Variants in GPC6 observed in about 807,000 individuals in gnomAD.
GPC6 encodes glypican 6.
Under a neutral mutation model 55.2 loss-of-function variants are expected in GPC6, and 14 were observed. The observed-to-expected ratio is 0.25, with a 90% CI of 0.17 to 0.40. The LOEUF is 0.40. Among genes scored for constraint, GPC6 ranks in the 10% least tolerant of loss-of-function variants. The pLI is 1.00. For synonymous variants in GPC6, 278 were observed against 259.6 expected (o/e 1.07, Z -0.68); for missense variants, 641 against 708.5 (o/e 0.90, Z 1.08).
At chr13:93,955,243 GCACACACA>G (rs10524254) in intron 3 of GPC6, among the ~76,000 whole-genome samples, 5,068 of 136,216 alleles carry the variant, frequency 0.037, 270 homozygotes, top group African/African-American at 0.12. Context: ...GAATGAACAT[GCACACACA>G]CACACACACA....
chr13:94,304,957 C>T (rs947457150), intron 5 of GPC6, among the ~76,000 whole-genome samples: 1 of 152,158 alleles, frequency 6.6e-6, no homozygotes, highest in African/African-American at 2.4e-5. Context: ...ATTTTCATTA[C>T]TCAAAGGGGA....
At chr13:93,255,872 G>T (rs1333746357) in intron 1 of GPC6, among the ~76,000 whole-genome samples, 1 of 152,036 alleles carries the variant, frequency 6.6e-6, no homozygotes, top group Non-Finnish European at 1.5e-5. Flanking sequence ...TGTGGCTCAT[G>T]CCTGTAATCT....
chr13:93,471,900 T>G lies in GPC6; in HGVS notation c.161-73363T>G, dbSNP rs2590544. On this transcript the variant is annotated intron_variant, in intron 1 of 8. Coordinates refer to ENST00000377047, the MANE Select transcript of GPC6 (RefSeq NM_005708.5). ...ATGTCAATTAGATTCAGTTGACTTA[T>G]GGAAATTTTCAGTGCTTCTCCGTTC... Among the ~76,000 whole-genome samples, 7 of 152,258 alleles carry G rather than the reference T, an allele frequency of 4.6e-5. 1 individual carries two copies. In the South Asian group the frequency reaches 1.4e-3, roughly 32 times the overall value.
At chr13:94,364,322 A>G (rs1473535993) in intron 6 of GPC6, among the ~76,000 whole-genome samples, 1 of 152,264 alleles carries the variant, frequency 6.6e-6, no homozygotes, top group Non-Finnish European at 1.5e-5. Flanking sequence ...AATCATAAGC[A>G]GAGTAAATCG....
At chr13:94,295,659 C>A (rs948405239) in intron 5 of GPC6, among the ~76,000 whole-genome samples, 1 of 152,126 alleles carries the variant, frequency 6.6e-6, no homozygotes, top group Non-Finnish European at 1.5e-5. Context: ...TACATCAACA[C>A]CTCCATAGCA....
At chr13:93,736,798 A>T (rs558075443) in intron 2 of GPC6, among the ~76,000 whole-genome samples, 18 of 152,238 alleles carry the variant, frequency 1.2e-4, no homozygotes, top group African/African-American at 3.4e-4. Flanking sequence ...TGTTTCTTGG[A>T]TGGAAGGTAC....
intron 2 of GPC6, among the ~76,000 whole-genome samples, chr13:93,660,883 T>C (rs1880894897): frequency 6.6e-6 from 1 of 152,176 alleles, no homozygotes; most frequent in Non-Finnish European, 1.5e-5. Context: ...GCTGTTAGGC[T>C]CTTTGACATA....
At chr13:93,450,703 C>T (rs1017795361) in intron 1 of GPC6, 1 of 970,788 alleles carries the variant, frequency 1.0e-6, no homozygotes, top group Non-Finnish European at 1.2e-6. Flanking sequence ...AGCTCCAACA[C>T]TTCCCACTTT....
intron 4 of GPC6, among the ~76,000 whole-genome samples, chr13:94,166,055 G>A (rs1193652805): frequency 5.9e-5 from 9 of 152,008 alleles, no homozygotes; most frequent in Admixed American, 4.6e-4. Flanking sequence ...TCTTGGCTAC[G>A]TTGTACTCTA....
At chr13:93,965,069 A>G (rs927665181) in intron 3 of GPC6, among the ~76,000 whole-genome samples, 1 of 147,796 alleles carries the variant, frequency 6.8e-6, no homozygotes, top group Non-Finnish European at 1.5e-5. Flanking sequence ...TTGTAAATAT[A>G]TAAAGTTAGT....
chr13:93,479,109 T>A (rs893364005), intron 1 of GPC6, among the ~76,000 whole-genome samples: 6 of 152,126 alleles, frequency 3.9e-5, no homozygotes, highest in Non-Finnish European at 8.8e-5. Context: ...AGCTACATCT[T>A]TGTTAAAAGG....
At chr13:93,761,648 G>T (rs1884959035) in intron 2 of GPC6, among the ~76,000 whole-genome samples, 1 of 151,978 alleles carries the variant, frequency 6.6e-6, no homozygotes, top group Non-Finnish European at 1.5e-5. Context: ...AGGACTACAG[G>T]CATGCACCAC....
At chr13:93,803,411 G>T (rs1473174640) in intron 2 of GPC6, among the ~76,000 whole-genome samples, 1 of 152,052 alleles carries the variant, frequency 6.6e-6, no homozygotes, top group African/African-American at 2.4e-5. Flanking sequence ...TTATGATTGT[G>T]ATAATAAAAA....
chr13:93,884,044 A>G (rs1174252640), intron 3 of GPC6, among the ~76,000 whole-genome samples: 11 of 152,110 alleles, frequency 7.2e-5, no homozygotes, highest in African/African-American at 2.4e-4. Context: ...GTCCACAGCT[A>G]TGTATTCGAC....
chr13:94,139,002 T>A (rs188446200), intron 4 of GPC6, among the ~76,000 whole-genome samples: 21 of 152,186 alleles, frequency 1.4e-4, no homozygotes, highest in Non-Finnish European at 1.5e-5. Context: ...CTGTCCCATT[T>A]AGGGAAGAGA....
chr13:93,310,091 A>T (rs1879012407), intron 1 of GPC6, among the ~76,000 whole-genome samples: 1 of 152,198 alleles, frequency 6.6e-6, no homozygotes, highest in African/African-American at 2.4e-5. Flanking sequence ...GTGAATACAC[A>T]TTTCACACAG....
chr13:93,399,047 T>TACACACAC (rs960083642), intron 1 of GPC6, among the ~76,000 whole-genome samples: 1 of 98,342 alleles, frequency 1.0e-5, no homozygotes, highest in Non-Finnish European at 2.4e-5. Context: ...ATCTCTCTCC[T>TACACACAC]ACACACACAC....
chr13:94,041,775 C>T (rs1883543778), intron 4 of GPC6, among the ~76,000 whole-genome samples: 1 of 151,836 alleles, frequency 6.6e-6, no homozygotes, highest in Non-Finnish European at 1.5e-5. Context: ...AAAGAAGTAG[C>T]TTTACCAATT....
In GPC6 at chr13:94,235,867, G is replaced by A. The variant is rs138469607; in HGVS notation, c.878-50482G>A. 3.9e-3 allele frequency among the ~76,000 whole-genome samples: 594 copies of A among 152,218 alleles called. 4 individuals carry two copies. Among genetic ancestry groups the A allele is most frequent in the African/African-American group, 0.014 (567 of 41,540 alleles). On this transcript the variant is annotated intron_variant, in intron 4 of 8. Transcript: ENST00000377047. Reference sequence around the variant, plus strand: ...GTTAATAAGATCAGAGATTCGCTGAGAATATTGAAGCTAGAAGACACCTTT... The same window carrying A: ...GTTAATAAGATCAGAGATTCGCTGAAAATATTGAAGCTAGAAGACACCTTT...
Sources: allele counts gnomAD v4.1 joint callset (sites outside exome capture counted in the v4.1 genomes callset), GRCh38; gene constraint gnomAD v4.1.1; transcripts MANE v1.5; gene names NCBI Gene and HGNC (gene_info 2026-07-23, HGNC 2026-07-21).